The following EFNA5 variants were observed in gnomAD, a reference collection of about 807,000 sequenced individuals.
EFNA5 encodes the protein ephrin-A5.
In EFNA5, 5 loss-of-function variants were observed where a neutral mutation model predicts 22.9. That is an observed-to-expected ratio of 0.22 (90% CI 0.11 to 0.46). EFNA5 has a LOEUF of 0.46. EFNA5 is among the 20% of genes least tolerant of loss of function. The pLI, the probability that EFNA5 is intolerant of heterozygous loss-of-function variation, is 0.99. For synonymous variants in EFNA5, 113 were observed against 112.2 expected (o/e 1.01, Z -0.04); for missense variants, 237 against 293.3 (o/e 0.81, Z 1.40).
intron 2 of EFNA5, 199 bp downstream of exon 2, chr5:107,427,018 G>C (rs1220782404): frequency 3.3e-6 from 2 of 599,426 alleles, no homozygotes; most frequent in Admixed American, 6.1e-5. Context: ...TAATTTCATA[G>C]GGGGAGACGC....
At chr5:107,454,810 AT>A (rs1404402861) in intron 1 of EFNA5, among the ~76,000 whole-genome samples, 1 of 152,170 alleles carries the variant, frequency 6.6e-6, no homozygotes, top group East Asian at 1.9e-4. Flanking sequence ...AAAAAAATGT[AT>A]AAATCTTTTG....
chr5:107,399,333 A>AGGAAG (rs1748023051), intron 2 of EFNA5, among the ~76,000 whole-genome samples: 1 of 147,090 alleles, frequency 6.8e-6, no homozygotes. Flanking sequence ...AGGAAAGGAA[A>AGGAAG]GGAAAGGAAA....
At chr5:107,560,738 C>A (rs988258894) in intron 1 of EFNA5, among the ~76,000 whole-genome samples, 1 of 152,212 alleles carries the variant, frequency 6.6e-6, no homozygotes, top group Non-Finnish European at 1.5e-5. Flanking sequence ...CTCCCATCCC[C>A]AACTACCCTC....
intron 2 of EFNA5, among the ~76,000 whole-genome samples, chr5:107,412,056 T>C (rs913956922): frequency 6.6e-6 from 1 of 152,200 alleles, no homozygotes; most frequent in Non-Finnish European, 1.5e-5. Flanking sequence ...AAATGAAAAG[T>C]AATATTAATT....
At chr5:107,441,111 T>C (rs1749245483) in intron 1 of EFNA5, among the ~76,000 whole-genome samples, 1 of 151,996 alleles carries the variant, frequency 6.6e-6, no homozygotes, top group Admixed American at 6.6e-5. Flanking sequence ...TTCACCTTGG[T>C]ATATCTCAGA....
rs141565987 is a variant in EFNA5, at chr5:107,430,222, G to A, written c.126-2713C>T. Among the ~76,000 whole-genome samples the A allele has an allele frequency of 3.6e-3, 553 of 152,284 alleles. 17 individuals carry two copies. The highest frequency in any genetic ancestry group is 3.8e-4 in the Non-Finnish European group (26 of 68,024). On this transcript the variant is annotated intron_variant, in intron 1 of 4. Coordinates refer to ENST00000333274, the MANE Select transcript of EFNA5 (RefSeq NM_001962.3). ...AAGCTAACATCACTGCCAAAGTACA[G>A]AGAAAAGACACTGCAAAGTTCAGAT... is the stretch of plus-strand genomic sequence containing the variant.
chr5:107,526,933 C>T (rs1747707063), intron 1 of EFNA5, among the ~76,000 whole-genome samples: 1 of 152,146 alleles, frequency 6.6e-6, no homozygotes, highest in South Asian at 2.1e-4. Context: ...GGGCCTTCAC[C>T]TATGCTGTTC....
chr5:107,569,596 T>TATATATATATATATATATATA (rs1580535500), intron 1 of EFNA5, among the ~76,000 whole-genome samples: 3 of 136,260 alleles, frequency 2.2e-5, no homozygotes, highest in East Asian at 2.1e-4. Flanking sequence ...TATATATATA[T>TATATATATATATATATATATA]TCCCAGCTCT....
At chr5:107,584,346 T>A (rs1257806941) in intron 1 of EFNA5, among the ~76,000 whole-genome samples, 1 of 152,152 alleles carries the variant, frequency 6.6e-6, no homozygotes, top group African/African-American at 2.4e-5. Flanking sequence ...GGAGGCAAAC[T>A]CACTGAAGAT....
At chr5:107,477,970 G>A (rs951281553) in intron 1 of EFNA5, among the ~76,000 whole-genome samples, 16 of 152,250 alleles carry the variant, frequency 1.1e-4, no homozygotes, top group African/African-American at 3.9e-4. Flanking sequence ...GTAGCAGTGG[G>A]ATTTCTGGCC....
chr5:107,519,573 T>C (rs752559837), intron 1 of EFNA5, among the ~76,000 whole-genome samples: 3 of 152,184 alleles, frequency 2.0e-5, no homozygotes, highest in Non-Finnish European at 4.4e-5. Context: ...GGGAAAAACA[T>C]ACAGAGGTCT....
At chr5:107,528,828 G>C (rs917044494) in intron 1 of EFNA5, among the ~76,000 whole-genome samples, 1 of 152,102 alleles carries the variant, frequency 6.6e-6, no homozygotes, top group African/African-American at 2.4e-5. Context: ...GTGACTGATA[G>C]GTATATAGAT....
chr5:107,493,242 T>C (rs1746865737), intron 1 of EFNA5, among the ~76,000 whole-genome samples: 1 of 151,886 alleles, frequency 6.6e-6, no homozygotes, highest in African/African-American at 2.4e-5. Context: ...CAACCAAATA[T>C]TTTCTACTAA....
chr5:107,407,756 G>A (rs1748262058), intron 2 of EFNA5, among the ~76,000 whole-genome samples: 1 of 152,146 alleles, frequency 6.6e-6, no homozygotes, highest in Non-Finnish European at 1.5e-5. Flanking sequence ...CAAAATCAAT[G>A]TGTATAATAC....
intron 1 of EFNA5, among the ~76,000 whole-genome samples, chr5:107,473,158 G>C (rs1347253738): frequency 1.3e-5 from 2 of 151,850 alleles, no homozygotes; most frequent in African/African-American, 4.8e-5. Flanking sequence ...TGTAGCCTTT[G>C]TACTGCTGAC....
At chr5:107,598,543 A>C (rs1270892692) in intron 1 of EFNA5, among the ~76,000 whole-genome samples, 1 of 152,228 alleles carries the variant, frequency 6.6e-6, no homozygotes, top group Non-Finnish European at 1.5e-5. Flanking sequence ...CTGGACAATG[A>C]AACAGAATTA....
rs186890039 is a variant in EFNA5, at chr5:107,470,461, G to A, written c.126-42952C>T. 3.6e-3 allele frequency among the ~76,000 whole-genome samples: 546 copies of A among 152,336 alleles called. 2 individuals carry two copies. Among genetic ancestry groups the A allele is most frequent in the Non-Finnish European group, 6.0e-3 (410 of 68,030 alleles). On this transcript the variant is annotated intron_variant, in intron 1 of 4. Coordinates refer to ENST00000333274, the MANE Select transcript of EFNA5 (RefSeq NM_001962.3). The stretch of plus-strand genomic sequence containing the variant: ...GGCAGCATTGAGACTTGACCAGAGA[G>A]AATGGTATAATAGCAGTGAAACCAT...
intron 1 of EFNA5, among the ~76,000 whole-genome samples, chr5:107,536,645 T>C (rs1747933898): frequency 6.6e-6 from 1 of 152,188 alleles, no homozygotes; most frequent in Non-Finnish European, 1.5e-5. Flanking sequence ...GCAGAAGGTA[T>C]TTATTTAAAA....
At chr5:107,619,705 G>A (rs1158870454) in intron 1 of EFNA5, among the ~76,000 whole-genome samples, 8 of 151,144 alleles carry the variant, frequency 5.3e-5, no homozygotes, top group Non-Finnish European at 8.9e-5. Flanking sequence ...CTTGTGATCC[G>A]CCCACCTCAG....
Sources: allele counts gnomAD v4.1 joint callset (sites outside exome capture counted in the v4.1 genomes callset), GRCh38; gene constraint gnomAD v4.1.1; transcripts MANE v1.5; gene names NCBI Gene and HGNC (gene_info 2026-07-23, HGNC 2026-07-21).